Variants in PKHD1L1 observed in about 807,000 individuals in gnomAD.
PKHD1L1 encodes PKHD1 like 1.
PKHD1L1 carries 434 observed loss-of-function variants against 462.9 expected under a neutral mutation model. The observed-to-expected ratio is 0.94, with a 90% CI of 0.87 to 1.02. The LOEUF (loss-of-function observed/expected upper bound fraction) is 1.02, where lower values mean the gene tolerates loss of function less well. PKHD1L1 is among the 50% of genes least tolerant of loss of function. The probability of loss-of-function intolerance (pLI) is 0.00; values close to 1 mark genes in which losing one functional copy is unlikely to be tolerated. For missense variants in PKHD1L1, 5,202 were observed against 5,096.1 expected (o/e 1.02, Z -0.63); for synonymous variants, 1,781 against 1,750.0 (o/e 1.02, Z -0.44).
At chr8:109,382,842 C>T (rs1199500183) in intron 4 of PKHD1L1, among the ~76,000 whole-genome samples, 1 of 150,888 alleles carries the variant, frequency 6.6e-6, no homozygotes. Flanking sequence ...CCCTTTATCT[C>T]TACTTCTACT....
intron 49 of PKHD1L1, 145 bp from the exon 50 acceptor site, chr8:109,466,433 T>C (rs1201252163): frequency 1.3e-6 from 1 of 756,644 alleles, no homozygotes; most frequent in African/African-American, 1.8e-5. Flanking sequence ...ATCCTCTTGC[T>C]CCATGCAAAC....
chr8:109,401,110 T>C (rs890544581), intron 13 of PKHD1L1, among the ~76,000 whole-genome samples: 9 of 152,160 alleles, frequency 5.9e-5, no homozygotes, highest in African/African-American at 2.2e-4. Flanking sequence ...TTAGCAATCT[T>C]TGGCAATCTA....
At position 109,443,692 on chromosome 8, in the gene PKHD1L1, G is replaced by A; in HGVS notation, c.4581G>A (p.Leu1527=). 1 of 1,611,962 alleles carries A rather than the reference G, an allele frequency of 6.2e-7. No individual in the cohort carries two copies. Among genetic ancestry groups the A allele is most frequent in the Non-Finnish European group, 8.5e-7 (1 of 1,179,120 alleles). ...ATYAYGGPEN[L]HLGSSVAGCL... ...TGTCTAAAGGAGGACCTGAGAATTT[G>A]CACTTGGGAAGCTCTGTGGCAGGCT... The change falls in exon 37 of 78, where the codon TTG becomes TTA. Residue 1527 remains leucine (L), a synonymous_variant. Coordinates refer to ENST00000378402, the MANE Select transcript of PKHD1L1 (RefSeq NM_177531.6).
In PKHD1L1 at chr8:109,523,317, A is replaced by T; in HGVS notation, c.12415A>T (p.Ser4139Cys). 6.2e-7 allele frequency: 1 copy of T among 1,612,704 alleles called. No homozygotes were observed. Among genetic ancestry groups the T allele is most frequent in the East Asian group, 2.2e-5 (1 of 44,830 alleles). The change falls in exon 76 of 78, where the codon AGT becomes TGT. Residue 4139 changes from serine to cysteine, a missense_variant. Transcript: ENST00000378402. The stretch of plus-strand genomic sequence containing the variant: ...CAATAATAACCAAGTCAATGGCCTT[A>T]GTGGAAATACAACAATTCCGTTTAG... The part of the protein sequence containing the change: ...DSNNNQVNGL[S>C]GNTTIPFSSC...
Position 109,480,123 on chromosome 8 carries a change from C to A in PKHD1L1, c.9311C>A (p.Thr3104Asn). ...SSYREVVLNA[T>N]YISLQGGRLI... The stretch of plus-strand genomic sequence containing the variant: ...TACAGAGAAGTTGTTTTGAATGCTA[C>A]CTACATATCACTGCAGGTAAGAGTG... The change falls in exon 55 of 78, where the codon ACC (threonine) becomes AAC (asparagine). Residue 3104 changes from threonine to asparagine, a missense_variant. Thr to Asn is a moderately conservative substitution (Grantham distance 65). Coordinates refer to ENST00000378402, the MANE Select transcript of PKHD1L1 (RefSeq NM_177531.6). 3 of 1,569,528 alleles carry A rather than the reference C, an allele frequency of 1.9e-6. No individual in the cohort carries two copies. Among genetic ancestry groups the A allele is most frequent in the Middle Eastern group, 1.7e-4 (1 of 5,986 alleles).
chr8:109,474,852 A>G (rs1456128487), intron 50 of PKHD1L1, among the ~76,000 whole-genome samples: 2 of 152,192 alleles, frequency 1.3e-5, no homozygotes, highest in Non-Finnish European at 2.9e-5. Context: ...TCTCAATTCA[A>G]AATTCCAGGT....
intron 2 of PKHD1L1, among the ~76,000 whole-genome samples, chr8:109,371,936 G>T (rs1045502435): frequency 6.6e-6 from 1 of 152,028 alleles, no homozygotes; most frequent in Non-Finnish European, 1.5e-5. Context: ...GTCAGGTAGT[G>T]TGATGCCTCC....
At position 109,438,233 on chromosome 8, in the gene PKHD1L1, A is replaced by G. The variant is rs945875555; in HGVS notation, c.3628-91A>G. On this transcript the variant is annotated intron_variant, in intron 30 of 77. Coordinates refer to ENST00000378402, the MANE Select transcript of PKHD1L1 (RefSeq NM_177531.6). ...TGACTTTGAAGTAAAACATCTTCAG[A>G]AGTTTATTCTGAATAATCTATTTCT... is the stretch of plus-strand genomic sequence containing the variant. 7 of 969,106 alleles carry G rather than the reference A, an allele frequency of 7.2e-6. No homozygotes were observed. The African/African-American group carries it at 1.2e-4, about 17-fold the overall frequency. 60.0% of individuals were successfully genotyped at this position (969,106 alleles called of 1,614,324 possible). A position where few individuals can be genotyped will look rare whatever the true frequency, so the allele number is the denominator to read the frequency against.
chr8:109,414,405 A>G (rs1217027404), intron 21 of PKHD1L1, among the ~76,000 whole-genome samples: 2 of 152,184 alleles, frequency 1.3e-5, no homozygotes, highest in African/African-American at 2.4e-5. Flanking sequence ...TTTTCTCTCT[A>G]CAATTGTAGA....
intron 71 of PKHD1L1, among the ~76,000 whole-genome samples, chr8:109,514,756 C>T (rs1170434007): frequency 6.6e-6 from 1 of 151,992 alleles, no homozygotes; most frequent in Non-Finnish European, 1.5e-5. Flanking sequence ...GTCTTCCTAC[C>T]AAATTTTTCT....
intron 55 of PKHD1L1, among the ~76,000 whole-genome samples, 169 bp downstream of exon 55, chr8:109,480,308 TTAAATTATGGAC>T (rs1294105359): frequency 2.6e-5 from 4 of 152,062 alleles, no homozygotes; most frequent in African/African-American, 7.2e-5. Flanking sequence ...CTGTTCTCCT[TTAAATTATGGAC>T]TAAACATTTC....
intron 19 of PKHD1L1, among the ~76,000 whole-genome samples, chr8:109,410,844 TCA>T (rs1217861686): frequency 1.3e-5 from 2 of 149,576 alleles, no homozygotes; most frequent in African/African-American, 2.5e-5. Context: ...TTTTCCTGCC[TCA>T]GTCTCCCGAG....
At chr8:109,474,673 T>C (rs1817887918) in intron 50 of PKHD1L1, among the ~76,000 whole-genome samples, 2 of 152,098 alleles carry the variant, frequency 1.3e-5, no homozygotes, top group African/African-American at 2.4e-5. Flanking sequence ...TTTTTATATA[T>C]TCTACATCAA....
At position 109,475,207 on chromosome 8, in the gene PKHD1L1, T is replaced by A. The variant is rs767814764; in HGVS notation, c.8695T>A (p.Tyr2899Asn). ...TCCAAATGCAAATCACATTAACTGG[T>A]ATTTTAAAGGTGTGGATCACATAAC... is the stretch of plus-strand genomic sequence containing the variant. ...LIPNANHINW[Y>N]FKGVDHITNI... is the part of the protein sequence containing the mutation. Residue 2899 changes from tyrosine to asparagine, a missense_variant, in exon 51 of 78, where the codon TAT (tyrosine) becomes AAT (asparagine). Physicochemically the swap from Tyr to Asn is moderately radical, Grantham distance 143. Coordinates refer to ENST00000378402, the MANE Select transcript of PKHD1L1 (RefSeq NM_177531.6). 1 of 1,612,436 alleles carries A rather than the reference T, an allele frequency of 6.2e-7. No individual in the cohort carries two copies. The highest frequency in any genetic ancestry group is 2.2e-5 in the East Asian group (1 of 44,768).
intron 50 of PKHD1L1, among the ~76,000 whole-genome samples, chr8:109,469,354 G>A (rs1014205806): frequency 2.6e-5 from 4 of 152,126 alleles, no homozygotes; most frequent in Middle Eastern, 3.2e-3. Flanking sequence ...GAAGAAGGCT[G>A]CCTGAAAGAA....
intron 73 of PKHD1L1, among the ~76,000 whole-genome samples, chr8:109,521,084 GC>G (rs1431310881): frequency 6.6e-6 from 1 of 152,128 alleles, no homozygotes; most frequent in Non-Finnish European, 1.5e-5. Context: ...GAAAGACTGA[GC>G]CTTTTTCCAA....
intron 24 of PKHD1L1, among the ~76,000 whole-genome samples, chr8:109,426,578 A>G (rs1814761173): frequency 6.6e-6 from 1 of 152,162 alleles, no homozygotes; most frequent in African/African-American, 2.4e-5. Context: ...AGGGGGACAT[A>G]GAGTTTGCAA....
In PKHD1L1 at chr8:109,504,522, A is replaced by G. The variant is rs773061363; in HGVS notation, c.10994+30A>G. 4.5e-6 allele frequency: 6 copies of G among 1,338,574 alleles called. No individual in the cohort carries two copies. In the East Asian group the frequency reaches 1.4e-4, roughly 32 times the overall value. 82.9% of individuals were successfully genotyped at this position (1,338,574 alleles called of 1,614,324 possible). On this transcript the variant is annotated intron_variant, in intron 68 of 77. Coordinates refer to ENST00000378402, the MANE Select transcript of PKHD1L1 (RefSeq NM_177531.6). ...AATACATAAAAATTGTGGTTTTTCT[A>G]TCTTTATAGTTTTTCATTCTCACTT...
rs765760856 is a variant in PKHD1L1, at chr8:109,518,405, CA to C, written c.11932del (p.Ile3978Ter). 7.4e-6 allele frequency: 12 copies of C among 1,612,802 alleles called. No individual in the cohort carries two copies. The highest frequency in any genetic ancestry group is 1.6e-4 in the Middle Eastern group (1 of 6,084). On this transcript the variant is annotated frameshift_variant, in exon 73 of 78. Coordinates refer to ENST00000378402, the MANE Select transcript of PKHD1L1 (RefSeq NM_177531.6). LOFTEE classifies it high-confidence loss of function. ...TACCAAGTGACAAAATCCGTATCAG[CA>C]AAATAAGAGGGAAGAGTCTGAGGAG... Reference protein sequence around the residue: ...KIPSDKIRISKIRGKSLRRKR... With the variant: ...KIPSDKIRISXIRGKSLRRKR...
Sources: gnomAD v4.1 joint callset for allele counts (sites outside exome capture counted in the v4.1 genomes callset) on GRCh38, gnomAD v4.1.1 for gene constraint, MANE v1.5 for transcripts, NCBI Gene and HGNC (gene_info 2026-07-23, HGNC 2026-07-21) for gene names.